Variants in CCDC3 observed in about 807,000 individuals in gnomAD.
CCDC3 encodes the protein coiled-coil domain containing 3.
CCDC3 carries 24 observed loss-of-function variants against 21.4 expected under a neutral mutation model. The observed-to-expected ratio is 1.12, with a 90% CI of 0.81 to 1.58. The LOEUF is 1.58. Ranked by LOEUF, CCDC3 falls within the 40% of genes most tolerant of loss-of-function variation. The probability of loss-of-function intolerance (pLI) is 0.00; values close to 1 mark genes in which losing one functional copy is unlikely to be tolerated. For missense variants in CCDC3, 425 were observed against 360.9 expected (o/e 1.18, Z -1.44); for synonymous variants, 186 against 166.0 (o/e 1.12, Z -0.93).
chr10:13,004,603 A>G (rs1835904316), upstream of CCDC3, among the ~76,000 whole-genome samples: 4 of 126,434 alleles, frequency 3.2e-5, no homozygotes, highest in Admixed American at 2.0e-4. Flanking sequence ...GATGGAATCA[A>G]CCTGCCACCA....
intron 2 of CCDC3, among the ~76,000 whole-genome samples, chr10:12,964,497 T>C (rs767757662): frequency 6.6e-6 from 1 of 152,220 alleles, no homozygotes; most frequent in Non-Finnish European, 1.5e-5. Context: ...TGCAGCCTTT[T>C]TGCATCCATG....
chr10:13,088,969 C>T (rs1365592598), intron 3 of CCDC3, among the ~76,000 whole-genome samples: 1 of 150,442 alleles, frequency 6.6e-6, no homozygotes, highest in East Asian at 1.9e-4. Flanking sequence ...AAGATCGTGC[C>T]ACTGCACTCC....
chr10:13,020,144 G>C (rs1836126319), intron 5 of CCDC3, among the ~76,000 whole-genome samples: 1 of 152,162 alleles, frequency 6.6e-6, no homozygotes, highest in South Asian at 2.1e-4. Context: ...TTCGACTTCA[G>C]ATAGAAGGGA....
intron 2 of CCDC3, among the ~76,000 whole-genome samples, chr10:12,964,108 C>T (rs944963624): frequency 2.6e-5 from 4 of 152,162 alleles, no homozygotes; most frequent in Non-Finnish European, 4.4e-5. Context: ...AGCGGTGGCT[C>T]ATGCCTGTGA....
chr10:12,926,841 G>T (rs1308355688), intron 2 of CCDC3, among the ~76,000 whole-genome samples: 2 of 152,046 alleles, frequency 1.3e-5, no homozygotes, highest in South Asian at 2.1e-4. Context: ...AGAGATAACA[G>T]GATATTTCAT....
At chr10:12,975,199 C>G (rs1835397871) in intron 2 of CCDC3, among the ~76,000 whole-genome samples, 1 of 152,164 alleles carries the variant, frequency 6.6e-6, no homozygotes, top group Admixed American at 6.5e-5. Flanking sequence ...CCTGACCCGG[C>G]TCCTTGCTCT....
chr10:13,082,473 A>C (rs1159008981), intron 3 of CCDC3, among the ~76,000 whole-genome samples: 1 of 152,250 alleles, frequency 6.6e-6, no homozygotes, highest in East Asian at 1.9e-4. Flanking sequence ...GCTGAAGCAC[A>C]GCATCACAGG....
chr10:12,990,263 CAA>C (rs61700228), intron 2 of CCDC3, among the ~76,000 whole-genome samples: 47 of 99,710 alleles, frequency 4.7e-4, no homozygotes, highest in Admixed American at 6.0e-4. Context: ...CCGTCTCAAC[CAA>C]AAAAAAAAAA....
intron 2 of CCDC3, among the ~76,000 whole-genome samples, chr10:12,921,924 G>A (rs1348817928): frequency 6.6e-6 from 1 of 152,056 alleles, no homozygotes; most frequent in Admixed American, 6.6e-5. Flanking sequence ...ATGTAGAGAT[G>A]GGTCTTGCCA....
chr10:13,012,951 T>A (rs1836000659), intron 5 of CCDC3, among the ~76,000 whole-genome samples: 1 of 152,204 alleles, frequency 6.6e-6, no homozygotes, highest in Non-Finnish European at 1.5e-5. Flanking sequence ...ATTTTTCTAT[T>A]GCTGCCGAAA....
At chr10:13,038,374 CAAAAAAAA>C (rs58667035) in intron 5 of CCDC3, among the ~76,000 whole-genome samples, 1 of 98,844 alleles carries the variant, frequency 1.0e-5, no homozygotes, top group Non-Finnish European at 2.0e-5. Flanking sequence ...AGTTGGAAAG[CAAAAAAAA>C]AAAAAAAAAA....
chr10:12,908,022 T>C (rs777856622), intron 2 of CCDC3, among the ~76,000 whole-genome samples: 7 of 152,224 alleles, frequency 4.6e-5, no homozygotes, highest in Admixed American at 2.6e-4. Flanking sequence ...GGTTAAGTCC[T>C]GCTGATGGCC....
chr10:13,080,551 T>G (rs1042399135), intron 3 of CCDC3, among the ~76,000 whole-genome samples: 3 of 152,060 alleles, frequency 2.0e-5, no homozygotes, highest in Non-Finnish European at 1.5e-5. Flanking sequence ...TTACCTACAT[T>G]AAAAGGTTAA....
At chr10:12,975,196 C>T (rs115153179) in intron 2 of CCDC3, among the ~76,000 whole-genome samples, 1,541 of 152,286 alleles carry the variant, frequency 0.01, 15 homozygotes, top group Middle Eastern at 0.048. Flanking sequence ...GACCCTGACC[C>T]GGCTCCTTGC....
intron 2 of CCDC3, among the ~76,000 whole-genome samples, chr10:12,995,889 G>C (rs368153974): frequency 7.9e-5 from 12 of 152,184 alleles, no homozygotes; most frequent in African/African-American, 2.9e-4. Flanking sequence ...TTTCCCAAAT[G>C]ATGGAAAAAT....
chr10:13,068,907 T>G (rs555948200), intron 4 of CCDC3, among the ~76,000 whole-genome samples: 1 of 152,370 alleles, frequency 6.6e-6, no homozygotes, highest in South Asian at 2.1e-4. Flanking sequence ...TGAAGGATTG[T>G]TTTGAATTAG....
chr10:12,994,334 G>C (rs1235104638), intron 2 of CCDC3, among the ~76,000 whole-genome samples: 2 of 151,690 alleles, frequency 1.3e-5, no homozygotes, highest in African/African-American at 4.9e-5. Context: ...GGAGACAGAG[G>C]CTGCAGTAAG....
chr10:12,968,520 G>A (rs1460288663), intron 2 of CCDC3, among the ~76,000 whole-genome samples: 3 of 152,098 alleles, frequency 2.0e-5, no homozygotes, highest in Non-Finnish European at 4.4e-5. Flanking sequence ...AGATGCTAAT[G>A]GGTAACAGGA....
At chr10:13,019,241 G>A (rs10906282) in intron 5 of CCDC3, among the ~76,000 whole-genome samples, 87,479 of 151,316 alleles carry the variant, frequency 0.58, 25,524 homozygotes, top group East Asian at 0.64. Flanking sequence ...CTTTAAAAAA[G>A]AAAGAAAGAA....
Sources: gnomAD v4.1 joint callset for allele counts (sites outside exome capture counted in the v4.1 genomes callset) on GRCh38, gnomAD v4.1.1 for gene constraint, MANE v1.5 for transcripts, NCBI Gene and HGNC (gene_info 2026-07-23, HGNC 2026-07-21) for gene names.